PJA2: variants seen among roughly 807,000 people sequenced by gnomAD.
The protein encoded by PJA2 is praja ring finger ubiquitin ligase 2.
Under a neutral mutation model 69.3 loss-of-function variants are expected in PJA2, and 25 were observed. The ratio of observed to expected loss-of-function variants is 0.36; its 90% confidence interval spans 0.26 to 0.50. The LOEUF (loss-of-function observed/expected upper bound fraction) is 0.50, where lower values mean the gene tolerates loss of function less well. Among genes scored for constraint, PJA2 ranks in the 20% least tolerant of loss-of-function variants. The pLI is 0.96. For missense variants in PJA2, 809 were observed against 830.2 expected, an observed-to-expected ratio of 0.97 and a Z score of 0.31; for synonymous variants, 308 against 277.8, an observed-to-expected ratio of 1.11 and a Z score of -1.08.
intron 3 of PJA2, 40 bp downstream of exon 3, chr5:109,381,463 A>T: frequency 6.5e-7 from 1 of 1,547,624 alleles, no homozygotes; most frequent in Non-Finnish European, 8.8e-7. Flanking sequence ...CAATTCCTAT[A>T]TAACTATTAA....
chr5:109,337,757 T>A (rs1258400603), intron 9 of PJA2, among the ~76,000 whole-genome samples: 2 of 152,156 alleles, frequency 1.3e-5, no homozygotes, highest in East Asian at 3.9e-4. Flanking sequence ...TATTATGCGT[T>A]TACTAGAGAA....
Position 109,354,499 on chromosome 5 carries a change from C to CT in PJA2, c.1764+1415_1764+1416insA, listed in dbSNP as rs1415161411. Among the ~76,000 whole-genome samples the CT allele has an allele frequency of 2.9e-3, 247 of 85,168 alleles. 37 individuals are homozygous for CT. The highest frequency in any genetic ancestry group is 8.8e-3 in the African/African-American group (171 of 19,476). 55.9% of individuals were successfully genotyped at this position (85,168 alleles called of 152,430 possible). A position where few individuals can be genotyped will look rare whatever the true frequency, so the allele number is the denominator to read the frequency against. The stretch of plus-strand genomic sequence containing the variant: ...TCTATAGATTAGATATCTATAATAT[C>CT]ATAGATATCTATATCGATATTAGAT... On this transcript the variant is annotated intron_variant, in intron 7 of 9. Coordinates refer to ENST00000361189, the MANE Select transcript of PJA2 (RefSeq NM_014819.5).
chr5:109,340,919 G>C (rs1167280423), intron 9 of PJA2, among the ~76,000 whole-genome samples: 2 of 116,630 alleles, frequency 1.7e-5, no homozygotes, highest in African/African-American at 5.6e-5. Flanking sequence ...CGGGATTGCA[G>C]ACGGAGTCTC....
At chr5:109,343,928 T>A (rs1582582955) in intron 9 of PJA2, among the ~76,000 whole-genome samples, 1 of 151,794 alleles carries the variant, frequency 6.6e-6, no homozygotes, top group Non-Finnish European at 1.5e-5. Flanking sequence ...AAACTCTGTC[T>A]CTACTAAAAA....
At chr5:109,379,322 T>C in intron 3 of PJA2, 68 bp from the exon 4 acceptor site, 2 of 1,126,756 alleles carry the variant, frequency 1.8e-6, no homozygotes, top group African/African-American at 1.6e-5. Context: ...GTAATAACTA[T>C]CACTTAAGTG....
At chr5:109,401,034 G>A (rs1747533941) in intron 1 of PJA2, among the ~76,000 whole-genome samples, 1 of 152,022 alleles carries the variant, frequency 6.6e-6, no homozygotes, top group Non-Finnish European at 1.5e-5. Flanking sequence ...ACACATGCCT[G>A]TAATCCCAGC....
At position 109,381,525 on chromosome 5, in the gene PJA2, A is replaced by G; in HGVS notation, c.210T>C (p.Asp70=). Residue 70 remains aspartate (D), a synonymous_variant, in exon 3 of 10, where the codon GAT becomes GAC. Coordinates refer to ENST00000361189, the MANE Select transcript of PJA2 (RefSeq NM_014819.5). The part of the protein sequence containing the change: ...GDDYEVLELD[D]VPKENSSGSS... ...CACCTGAGGAATTTTCCTTTGGAAC[A>G]TCATCTAGTTCCAACACTTCATAGT... 6.2e-7 allele frequency: 1 copy of G among 1,614,014 alleles called. No homozygotes were observed. The highest frequency in any genetic ancestry group is 8.5e-7 in the Non-Finnish European group (1 of 1,179,904).
intron 1 of PJA2, among the ~76,000 whole-genome samples, chr5:109,405,659 A>G (rs1747668706): frequency 6.6e-6 from 1 of 152,214 alleles, no homozygotes; most frequent in Admixed American, 6.5e-5. Context: ...GTCCCAACAA[A>G]TGGTGCTAGA....
chr5:109,337,432 A>G (rs1761968043), intron 9 of PJA2, 76 bp from the exon 10 acceptor site: 1 of 1,462,660 alleles, frequency 6.8e-7, no homozygotes. Context: ...AAGAAAAAAC[A>G]GTGTCATTAT....
intron 7 of PJA2, among the ~76,000 whole-genome samples, chr5:109,349,691 C>G (rs1762218529): frequency 6.6e-6 from 1 of 152,214 alleles, no homozygotes; most frequent in Admixed American, 6.5e-5. Flanking sequence ...GTGACCTCAG[C>G]CCTGAGATGG....
Position 109,408,550 on chromosome 5 carries a change from T to C in PJA2, c.-88+1292A>G, listed in dbSNP as rs1481437452. ...TATAGCCTCCCTCAAAAAAAAAAACTTTACGTGTACTTGTATGTGTCTAGA... is the reference window on the plus strand; with the variant it reads ...TATAGCCTCCCTCAAAAAAAAAAACCTTACGTGTACTTGTATGTGTCTAGA... On this transcript the variant is annotated intron_variant, in intron 1 of 9. Transcript: ENST00000361189. Among the ~76,000 whole-genome samples the C allele has an allele frequency of 2.6e-5, 4 of 151,978 alleles. No homozygotes were observed. In the South Asian group the frequency reaches 8.3e-4, roughly 31 times the overall value.
intron 7 of PJA2, among the ~76,000 whole-genome samples, chr5:109,355,598 A>G (rs544304970): frequency 1.3e-5 from 2 of 152,352 alleles, no homozygotes; most frequent in East Asian, 3.9e-4. Flanking sequence ...TCACAAATAC[A>G]CCTGTGCGTG....
chr5:109,385,167 A>G (rs978392662), intron 1 of PJA2, among the ~76,000 whole-genome samples: 2 of 152,228 alleles, frequency 1.3e-5, no homozygotes, highest in African/African-American at 4.8e-5. Context: ...TGACCACAGA[A>G]GAGATATTTG....
chr5:109,359,518 T>C (rs1762476534), intron 6 of PJA2, among the ~76,000 whole-genome samples: 1 of 152,228 alleles, frequency 6.6e-6, no homozygotes, highest in East Asian at 1.9e-4. Context: ...TGATATGTAC[T>C]GCAAAGGACA....
intron 9 of PJA2, among the ~76,000 whole-genome samples, chr5:109,341,364 C>T (rs1360363843): frequency 2.7e-5 from 4 of 149,568 alleles, no homozygotes; most frequent in East Asian, 4.1e-4. Context: ...CATCTCTGCC[C>T]GGCCGCCCCG....
intron 6 of PJA2, among the ~76,000 whole-genome samples, chr5:109,359,490 T>G (rs1413432619): frequency 6.6e-6 from 1 of 152,200 alleles, no homozygotes; most frequent in Non-Finnish European, 1.5e-5. Flanking sequence ...ATGGGTTGGT[T>G]TGACACCATG....
intron 7 of PJA2, among the ~76,000 whole-genome samples, chr5:109,354,407 CTA>C (rs1762365374): frequency 7.1e-6 from 1 of 141,422 alleles, no homozygotes; most frequent in Non-Finnish European, 1.5e-5. Flanking sequence ...CTAGAGATAT[CTA>C]TAGATTAGAT....
intron 1 of PJA2, among the ~76,000 whole-genome samples, chr5:109,394,883 G>A (rs1278955081): frequency 1.3e-5 from 2 of 152,080 alleles, no homozygotes; most frequent in Non-Finnish European, 2.9e-5. Flanking sequence ...ACAACTCAAA[G>A]CAAATAAAAA....
intron 1 of PJA2, among the ~76,000 whole-genome samples, chr5:109,399,384 A>C (rs1747489146): frequency 6.6e-6 from 1 of 152,152 alleles, no homozygotes. Context: ...ATCAAGAAAC[A>C]ACAGTCTACT....
Sources: allele counts gnomAD v4.1 joint callset (sites outside exome capture counted in the v4.1 genomes callset), GRCh38; gene constraint gnomAD v4.1.1; transcripts MANE v1.5; gene names NCBI Gene and HGNC (gene_info 2026-07-23, HGNC 2026-07-21).